The following ZBTB20 variants were observed in gnomAD, a reference collection of about 807,000 sequenced individuals.
ZBTB20 encodes the protein zinc finger and BTB domain containing 20.
A neutral mutation model predicts 56.9 loss-of-function variants in ZBTB20; 9 were observed. The observed-to-expected ratio is 0.16, with a 90% CI of 0.10 to 0.28. The LOEUF (loss-of-function observed/expected upper bound fraction) is 0.28, where lower values mean the gene tolerates loss of function less well. Ranked by LOEUF, ZBTB20 falls within the 10% of genes least tolerant of loss-of-function variation. The pLI, the probability that ZBTB20 is intolerant of heterozygous loss-of-function variation, is 1.00. For missense variants in ZBTB20, 655 were observed against 1,003.0 expected (o/e 0.65, Z 4.69); for synonymous variants, 417 against 420.7 (o/e 0.99, Z 0.11).
intron 5 of ZBTB20, among the ~76,000 whole-genome samples, chr3:114,777,439 G>A (rs1206701416): frequency 2.0e-5 from 3 of 152,138 alleles, no homozygotes; most frequent in South Asian, 4.1e-4. Context: ...AAGAGGCAGA[G>A]GTTGCAGTGA....
At position 114,825,238 on chromosome 3, in the gene ZBTB20, T is replaced by C. The variant is rs114065941; in HGVS notation, c.-416-24064A>G. Among the ~76,000 whole-genome samples the C allele has an allele frequency of 7.1e-3, 1,072 of 152,034 alleles. 6 individuals carry two copies. Among genetic ancestry groups the C allele is most frequent in the African/African-American group, 0.023 (963 of 41,534 alleles). ...TCACTTCTCTTTGATATAAATTGCA[T>C]GCAATAAAGAAGGAGGCAGTCCTAC... is the stretch of plus-strand genomic sequence containing the variant. On this transcript the variant is annotated intron_variant, in intron 4 of 11. Transcript: ENST00000675478.
chr3:114,455,386 C>T (rs2091950319), intron 7 of ZBTB20, among the ~76,000 whole-genome samples: 1 of 152,078 alleles, frequency 6.6e-6, no homozygotes, highest in African/African-American at 2.4e-5. Flanking sequence ...TTAAAACTTA[C>T]AACTAAACAA....
intron 6 of ZBTB20, among the ~76,000 whole-genome samples, chr3:114,541,070 G>T (rs1163191413): frequency 6.6e-6 from 1 of 152,056 alleles, no homozygotes; most frequent in Non-Finnish European, 1.5e-5. Flanking sequence ...TACATTAGCA[G>T]ATTTAATATT....
chr3:114,880,302 C>A (rs1576207989), intron 4 of ZBTB20, among the ~76,000 whole-genome samples: 1 of 152,274 alleles, frequency 6.6e-6, no homozygotes, highest in African/African-American at 2.4e-5. Context: ...AGCTGTTCTC[C>A]ATAGCCTGAG....
intron 7 of ZBTB20, among the ~76,000 whole-genome samples, chr3:114,405,850 T>G (rs1424639605): frequency 6.6e-6 from 1 of 152,096 alleles, no homozygotes; most frequent in Non-Finnish European, 1.5e-5. Context: ...GAACTGGGGA[T>G]AGTTTAGGAA....
At chr3:114,984,373 A>T (rs1183500610) in intron 2 of ZBTB20, among the ~76,000 whole-genome samples, 1 of 152,012 alleles carries the variant, frequency 6.6e-6, no homozygotes, top group African/African-American at 2.4e-5. Context: ...GTCATTTTTT[A>T]AAAATCTTTG....
intron 8 of ZBTB20, among the ~76,000 whole-genome samples, chr3:114,382,974 A>G (rs2084571845): frequency 6.6e-6 from 1 of 152,240 alleles, no homozygotes. Context: ...TAAGCAATGT[A>G]GCTTAGACAA....
chr3:114,896,306 A>G (rs2074875989), intron 4 of ZBTB20, among the ~76,000 whole-genome samples: 1 of 152,196 alleles, frequency 6.6e-6, no homozygotes, highest in South Asian at 2.1e-4. Context: ...ACCTATATTC[A>G]TAGCCAAATT....
intron 7 of ZBTB20, among the ~76,000 whole-genome samples, chr3:114,417,497 GA>G (rs528512125): frequency 6.8e-4 from 103 of 152,160 alleles, no homozygotes; most frequent in African/African-American, 2.5e-3. Context: ...ATTGGCAAAA[GA>G]AAGTGCTTTA....
At chr3:114,360,509 A>ATT (rs567314378) in intron 10 of ZBTB20, among the ~76,000 whole-genome samples, 98 of 140,658 alleles carry the variant, frequency 7.0e-4, no homozygotes, top group African/African-American at 2.4e-3. Context: ...AACTCGGCTA[A>ATT]TTTTTTTTTT....
intron 7 of ZBTB20, among the ~76,000 whole-genome samples, chr3:114,467,622 C>G (rs190660708): frequency 1.1e-3 from 175 of 152,252 alleles, no homozygotes; most frequent in African/African-American, 4.1e-3. Flanking sequence ...TCCCTAAACT[C>G]AAGCATGCAT....
intron 2 of ZBTB20, among the ~76,000 whole-genome samples, chr3:115,047,687 C>A (rs1220083742): frequency 6.6e-6 from 1 of 152,112 alleles, no homozygotes; most frequent in African/African-American, 2.4e-5. Context: ...TTAACCCGGA[C>A]ATATTATATA....
intron 4 of ZBTB20, among the ~76,000 whole-genome samples, chr3:114,819,874 AT>A (rs1429282078): frequency 6.6e-6 from 1 of 151,950 alleles, no homozygotes; most frequent in Admixed American, 6.6e-5. Flanking sequence ...CAAGCAAACA[AT>A]TTATAAAAAT....
At chr3:114,940,027 G>A (rs1402251923) in intron 3 of ZBTB20, among the ~76,000 whole-genome samples, 3 of 146,404 alleles carry the variant, frequency 2.0e-5, no homozygotes, top group Non-Finnish European at 2.9e-5. Flanking sequence ...TTCAGTATAG[G>A]TGTTTCACCA....
At chr3:115,003,274 C>G (rs575395517) in intron 2 of ZBTB20, among the ~76,000 whole-genome samples, 39 of 151,434 alleles carry the variant, frequency 2.6e-4, no homozygotes, top group African/African-American at 9.2e-4. Context: ...CCCAGTGAAC[C>G]CTAATGTACT....
chr3:114,549,024 C>G (rs980245478), intron 6 of ZBTB20, among the ~76,000 whole-genome samples: 1 of 152,174 alleles, frequency 6.6e-6, no homozygotes, highest in African/African-American at 2.4e-5. Flanking sequence ...TCTTAATATA[C>G]TAAGGTATTA....
chr3:114,379,976 A>AC (rs1251874713), intron 10 of ZBTB20, among the ~76,000 whole-genome samples: 1 of 152,240 alleles, frequency 6.6e-6, no homozygotes, highest in Non-Finnish European at 1.5e-5. Context: ...TATGAAAAGA[A>AC]CGTGTTTTAT....
intron 6 of ZBTB20, among the ~76,000 whole-genome samples, chr3:114,619,437 T>G (rs548971515): frequency 3.0e-4 from 46 of 152,218 alleles, no homozygotes; most frequent in Non-Finnish European, 5.4e-4. Flanking sequence ...GATTGCTAAG[T>G]TGATTGACAA....
chr3:114,338,964 GTTGTT>G lies in ZBTB20; in HGVS notation c.*36_*40del. The G allele has an allele frequency of 6.9e-7, 1 of 1,455,736 alleles. No homozygotes were observed. The allele number at this position is 1,455,736 out of a possible 1,614,324, so 90.2% of individuals were successfully genotyped here. On this transcript the variant is annotated 3_prime_UTR_variant, in exon 12 of 12. Coordinates refer to ENST00000675478, the MANE Select transcript of ZBTB20 (RefSeq NM_001348800.3). ...CTTTTTTGTTTGTTTGTTTTTTGTT[GTTGTT>G]TTGTTTTGTTCATAAGAAAGAGAGA...
Sources: gnomAD v4.1 joint callset for allele counts (sites outside exome capture counted in the v4.1 genomes callset) on GRCh38, gnomAD v4.1.1 for gene constraint, MANE v1.5 for transcripts, NCBI Gene and HGNC (gene_info 2026-07-23, HGNC 2026-07-21) for gene names.